Variants in USP34 observed in about 807,000 individuals in gnomAD.
USP34 encodes ubiquitin carboxyl-terminal hydrolase 34.
In USP34, 70 loss-of-function variants were observed where a neutral mutation model predicts 460.3. The observed-to-expected ratio is 0.15, with a 90% CI of 0.13 to 0.19. USP34 has a LOEUF of 0.19. Among genes scored for constraint, USP34 ranks in the 10% least tolerant of loss-of-function variants. The pLI, the probability that USP34 is intolerant of heterozygous loss-of-function variation, is 1.00. For missense variants in USP34, 3,985 were observed against 4,236.2 expected (o/e 0.94, Z 1.65); for synonymous variants, 1,647 against 1,405.3 (o/e 1.17, Z -3.85).
rs200971156 is a variant in USP34 at position 61,240,047 on chromosome 2, C to CA, written c.6777+1512dup. Among the ~76,000 whole-genome samples the CA allele has an allele frequency of 1.1e-3, 158 of 144,352 alleles. 1 individual carries two copies. The highest frequency in any genetic ancestry group is 9.4e-3 in the Admixed American group (137 of 14,522). 94.7% of individuals were successfully genotyped at this position (144,352 alleles called of 152,430 possible). On this transcript the variant is annotated intron_variant, in intron 53 of 79. Coordinates refer to ENST00000398571, the MANE Select transcript of USP34 (RefSeq NM_014709.4). ...AAAAAAAGACTTGATCCCAATATTA[C>CA]AAAAAAAAAATTTTTTTTTTATCCA...
intron 65 of USP34, among the ~76,000 whole-genome samples, chr2:61,222,377 C>T (rs1055667097): frequency 3.9e-5 from 6 of 152,216 alleles, no homozygotes; most frequent in Admixed American, 6.5e-5. Context: ...TAAAGCCTGG[C>T]ATCCAGGTGG....
chr2:61,470,778 A>T lies in USP34; in HGVS notation c.-86T>A. 2.4e-6 allele frequency: 2 copies of T among 832,952 alleles called. No homozygotes were observed. Among genetic ancestry groups the T allele is most frequent in the African/African-American group, 2.3e-5 (1 of 42,830 alleles). 51.6% of individuals were successfully genotyped at this position (832,952 alleles called of 1,614,324 possible). ...GGGGGGGAGGGGAGAGAGGCGGAGG[A>T]GGGGGCCGGCCGGCCGGCGGGGCGG... On this transcript the variant is annotated 5_prime_UTR_variant, in exon 1 of 80. Transcript: ENST00000398571.
At chr2:61,222,010 A>G (rs1272168543) in intron 65 of USP34, among the ~76,000 whole-genome samples, 1 of 152,166 alleles carries the variant, frequency 6.6e-6, no homozygotes, top group Non-Finnish European at 1.5e-5. Flanking sequence ...CTACTCAATG[A>G]TTTTCAAGTA....
intron 27 of USP34, among the ~76,000 whole-genome samples, chr2:61,302,392 T>C (rs1398599658): frequency 6.6e-6 from 1 of 152,234 alleles, no homozygotes; most frequent in African/African-American, 2.4e-5. Flanking sequence ...GGAATATGTT[T>C]TTCTTCCAAG....
At chr2:61,275,978 T>C (rs11677776) in intron 41 of USP34, among the ~76,000 whole-genome samples, 82,309 of 151,532 alleles carry the variant, frequency 0.54, 22,537 homozygotes, top group South Asian at 0.74. Context: ...GCAAATATGA[T>C]ATAAAGAGCT....
intron 2 of USP34, among the ~76,000 whole-genome samples, chr2:61,410,484 G>T (rs1453555156): frequency 6.6e-6 from 1 of 152,176 alleles, no homozygotes; most frequent in Non-Finnish European, 1.5e-5. Flanking sequence ...CTGCTGTGTG[G>T]CCTGGTTCCT....
intron 75 of USP34, among the ~76,000 whole-genome samples, chr2:61,200,975 C>T (rs1686959349): frequency 6.6e-6 from 1 of 151,900 alleles, no homozygotes; most frequent in Non-Finnish European, 1.5e-5. Context: ...AAGACAATGT[C>T]CAATTTTCTG....
chr2:61,438,768 G>C (rs1351198452), intron 1 of USP34, among the ~76,000 whole-genome samples: 1 of 152,136 alleles, frequency 6.6e-6, no homozygotes, highest in Non-Finnish European at 1.5e-5. Context: ...CCTGGACAAG[G>C]ATCTCACTCT....
chr2:61,402,826 G>T (rs1168155485), intron 3 of USP34, among the ~76,000 whole-genome samples: 1 of 152,078 alleles, frequency 6.6e-6, no homozygotes, highest in African/African-American at 2.4e-5. Flanking sequence ...TAATTTGTTT[G>T]CTTTAAAATA....
intron 63 of USP34, 28 bp from the exon 64 acceptor site, chr2:61,223,192 A>G (rs764547821): frequency 1.9e-6 from 3 of 1,613,210 alleles, no homozygotes; most frequent in Admixed American, 3.3e-5. Context: ...TGTTCATTTA[A>G]GAACCGTTAT....
intron 1 of USP34, among the ~76,000 whole-genome samples, chr2:61,434,612 C>G (rs2104006198): frequency 6.6e-6 from 1 of 152,300 alleles, no homozygotes; most frequent in Non-Finnish European, 1.5e-5. Flanking sequence ...TCATCCTAGG[C>G]TGCTGAGAAA....
chr2:61,436,525 C>A (rs556358166), intron 1 of USP34, among the ~76,000 whole-genome samples: 1 of 152,100 alleles, frequency 6.6e-6, no homozygotes, highest in African/African-American at 2.4e-5. Context: ...TAAATACACA[C>A]GCAACCAACA....
At chr2:61,313,202 AT>A (rs1305445911) in intron 25 of USP34, among the ~76,000 whole-genome samples, 3 of 152,178 alleles carry the variant, frequency 2.0e-5, no homozygotes, top group African/African-American at 7.2e-5. Context: ...AGCATAAAAC[AT>A]GAACAAATAA....
chr2:61,209,398 A>AT (rs1307923766), intron 69 of USP34, among the ~76,000 whole-genome samples: 4 of 152,250 alleles, frequency 2.6e-5, no homozygotes, highest in Non-Finnish European at 4.4e-5. Context: ...AGCCTTGAAA[A>AT]TAGTTTATAA....
chr2:61,320,393 A>G (rs1690879771), intron 21 of USP34, among the ~76,000 whole-genome samples: 1 of 152,160 alleles, frequency 6.6e-6, no homozygotes, highest in Non-Finnish European at 1.5e-5. Flanking sequence ...TCCACAGTGC[A>G]TGTCTTTGGG....
chr2:61,334,392 G>A (rs1048319371), intron 18 of USP34, among the ~76,000 whole-genome samples: 5 of 152,036 alleles, frequency 3.3e-5, no homozygotes, highest in Non-Finnish European at 7.4e-5. Flanking sequence ...GAGCAGAAAG[G>A]GGAAAGGAAA....
chr2:61,314,789 G>C, intron 24 of USP34, 45 bp from the exon 25 acceptor site: 1 of 1,580,894 alleles, frequency 6.3e-7, no homozygotes, highest in Middle Eastern at 1.7e-4. Context: ...TTATATTCTT[G>C]TTTAGCTATA....
chr2:61,311,559 G>A lies in USP34; in HGVS notation c.3798C>T (p.Asn1266=), dbSNP rs776722739. The change falls in exon 27 of 80, where the codon AAC becomes AAT. Residue 1266 remains asparagine (N), a synonymous_variant. Coordinates refer to ENST00000398571, the MANE Select transcript of USP34 (RefSeq NM_014709.4). ...GCTTACCAGGAAACTCTCCTTTTCG[G>A]TTGCTTTGACCAAACTCCTGAAGCT... ...QAQLQEFGQS[N]RKGEFPGGLM... 13 of 1,599,652 alleles carry A rather than the reference G, an allele frequency of 8.1e-6. No homozygotes were observed. The African/African-American group carries it at 1.8e-4, about 22-fold the overall frequency.
rs138555072 is a variant in USP34 at position 61,219,339 on chromosome 2, G to C, written c.8047+971C>G. 1.8e-3 allele frequency among the ~76,000 whole-genome samples: 274 copies of C among 152,218 alleles called. 4 individuals are homozygous for C. The highest frequency in any genetic ancestry group is 8.7e-4 in the Non-Finnish European group (59 of 68,002). On this transcript the variant is annotated intron_variant, in intron 67 of 79. Transcript: ENST00000398571. ...GCCCTAAAATCAGTGATTTCTCCTAGGAGCCATGAATTCTTTTACTGGAGA... is the reference window on the plus strand; with the variant it reads ...GCCCTAAAATCAGTGATTTCTCCTACGAGCCATGAATTCTTTTACTGGAGA...
Sources: allele counts gnomAD v4.1 joint callset (sites outside exome capture counted in the v4.1 genomes callset), GRCh38; gene constraint gnomAD v4.1.1; transcripts MANE v1.5; gene names NCBI Gene and HGNC (gene_info 2026-07-23, HGNC 2026-07-21).